The following TYR variants were observed in gnomAD, a reference collection of about 807,000 sequenced individuals.
TYR encodes tyrosinase, also known as LB24-AB.
TYR carries 58 observed loss-of-function variants against 51.5 expected under a neutral mutation model. The ratio of observed to expected loss-of-function variants is 1.13; its 90% CI spans 0.91 to 1.40. TYR has a LOEUF of 1.40. TYR is among the 40% of genes most tolerant of loss of function. TYR has a pLI of 0.00. For missense variants in TYR, 732 were observed against 647.4 expected (o/e 1.13, Z -1.42); for synonymous variants, 263 against 235.2 (o/e 1.12, Z -1.08).
chr11:89,203,274 A>C (rs1360663143), intron 2 of TYR, among the ~76,000 whole-genome samples: 1 of 152,198 alleles, frequency 6.6e-6, no homozygotes, highest in Non-Finnish European at 1.5e-5. Flanking sequence ...TTCCAAATTC[A>C]TCTGACTCCA....
At chr11:89,262,331 T>C (rs1357946036) in intron 3 of TYR, among the ~76,000 whole-genome samples, 1 of 152,056 alleles carries the variant, frequency 6.6e-6, no homozygotes, top group Non-Finnish European at 1.5e-5. Context: ...AGTGCTGGGA[T>C]TACAGGCATG....
rs527650516 is a variant in TYR, at chr11:89,295,527, A to T, written c.*161A>T. 2 of 875,338 alleles carry T rather than the reference A, an allele frequency of 2.3e-6. No individual in the cohort carries two copies. The highest frequency in any genetic ancestry group is 3.0e-5 in the South Asian group (2 of 66,060). The allele number at this position is 875,338 out of a possible 1,614,324, so 54.2% of individuals were successfully genotyped here. A position where few individuals can be genotyped will look rare whatever the true frequency, so the allele number is the denominator to read the frequency against. Reference sequence around the variant, plus strand: ...AGCCTTCTTCCAACTCAGGTAGAACACACCTGTCTTTGTCTTGCTGTTTTC... The same window carrying T: ...AGCCTTCTTCCAACTCAGGTAGAACTCACCTGTCTTTGTCTTGCTGTTTTC... On this transcript the variant is annotated 3_prime_UTR_variant, in exon 5 of 5. Transcript: ENST00000263321.
At chr11:89,214,241 C>T (rs187408240) in intron 2 of TYR, among the ~76,000 whole-genome samples, 2 of 152,128 alleles carry the variant, frequency 1.3e-5, no homozygotes, top group African/African-American at 4.8e-5. Context: ...AGACACTTCT[C>T]AAAATAAGAC....
At chr11:89,195,686 AT>A (rs1356913025) in intron 2 of TYR, among the ~76,000 whole-genome samples, 5 of 151,956 alleles carry the variant, frequency 3.3e-5, no homozygotes, top group Admixed American at 6.6e-5. Context: ...AAATAAATAA[AT>A]AAATAAAAAT....
chr11:89,262,176 G>A (rs543139705), intron 3 of TYR, among the ~76,000 whole-genome samples: 76 of 151,652 alleles, frequency 5.0e-4, no homozygotes, highest in Non-Finnish European at 8.0e-4. Flanking sequence ...CTCCTGCCTC[G>A]GCCTCCTGAG....
chr11:89,210,195 C>T (rs1322196577), intron 2 of TYR, among the ~76,000 whole-genome samples: 2 of 152,032 alleles, frequency 1.3e-5, no homozygotes, highest in Admixed American at 1.3e-4. Context: ...ATGTTTAAAC[C>T]CATCGCAAGA....
At chr11:89,185,974 T>C (rs984996836) in intron 1 of TYR, among the ~76,000 whole-genome samples, 2 of 152,158 alleles carry the variant, frequency 1.3e-5, no homozygotes, top group Admixed American at 1.3e-4. Flanking sequence ...AGTCAGCCCC[T>C]TTTGAGTTAC....
chr11:89,274,508 C>T (rs1435981985), intron 3 of TYR, among the ~76,000 whole-genome samples: 2 of 151,848 alleles, frequency 1.3e-5, no homozygotes, highest in African/African-American at 4.8e-5. Context: ...CACAACTAAC[C>T]TCACTGCATG....
chr11:89,196,762 T>C (rs1262037115), intron 2 of TYR, among the ~76,000 whole-genome samples: 3 of 152,138 alleles, frequency 2.0e-5, no homozygotes, highest in East Asian at 1.9e-4. Flanking sequence ...AAGATGCCCA[T>C]TGGGATAACA....
chr11:89,183,566 A>T (rs541925244), intron 1 of TYR, among the ~76,000 whole-genome samples: 2 of 152,100 alleles, frequency 1.3e-5, no homozygotes, highest in African/African-American at 4.8e-5. Flanking sequence ...GTGAACTTTC[A>T]TACTTACTTA....
intron 2 of TYR, among the ~76,000 whole-genome samples, chr11:89,216,647 CAAAAAAAA>C (rs11411684): frequency 1.2e-5 from 1 of 80,806 alleles, no homozygotes; most frequent in Non-Finnish European, 2.4e-5. Context: ...TTTTCCATCT[CAAAAAAAA>C]AAAAAAAAAA....
At chr11:89,204,216 G>A (rs1205325697) in intron 2 of TYR, among the ~76,000 whole-genome samples, 2 of 152,166 alleles carry the variant, frequency 1.3e-5, no homozygotes, top group Non-Finnish European at 2.9e-5. Context: ...GGCATTAGGG[G>A]AAAGTAGTTG....
intron 2 of TYR, among the ~76,000 whole-genome samples, chr11:89,218,528 G>A (rs1169632885): frequency 1.3e-5 from 2 of 152,054 alleles, no homozygotes; most frequent in African/African-American, 4.8e-5. Flanking sequence ...CACCAAGAAT[G>A]AGCTGGAATA....
chr11:89,278,850 C>G (rs1220799278), intron 3 of TYR, among the ~76,000 whole-genome samples: 1 of 151,684 alleles, frequency 6.6e-6, no homozygotes, highest in African/African-American at 2.4e-5. Flanking sequence ...ATTCTGTCTC[C>G]TTAGGTTCCT....
intron 2 of TYR, among the ~76,000 whole-genome samples, chr11:89,209,740 C>G (rs925718593): frequency 6.6e-6 from 1 of 152,110 alleles, no homozygotes; most frequent in African/African-American, 2.4e-5. Context: ...GGCAGGTGCC[C>G]CTCTGGGACG....
intron 3 of TYR, among the ~76,000 whole-genome samples, chr11:89,255,263 G>A (rs900811059): frequency 6.6e-6 from 1 of 151,684 alleles, no homozygotes; most frequent in African/African-American, 2.4e-5. Context: ...AGGTCCATGT[G>A]CTGATGAATA....
chr11:89,234,997 C>A (rs962570255), intron 3 of TYR, among the ~76,000 whole-genome samples: 5 of 150,816 alleles, frequency 3.3e-5, no homozygotes, highest in Admixed American at 6.6e-5. Flanking sequence ...AATGCAGTAT[C>A]TGTGAAGCAC....
At chr11:89,183,138 A>C (rs1321640076) in intron 1 of TYR, among the ~76,000 whole-genome samples, 1 of 152,128 alleles carries the variant, frequency 6.6e-6, no homozygotes, top group Admixed American at 6.6e-5. Context: ...CTTTGCTCCC[A>C]AAAGCTTTTA....
chr11:89,237,646 T>C (rs1259336754), intron 3 of TYR, among the ~76,000 whole-genome samples: 1 of 152,178 alleles, frequency 6.6e-6, no homozygotes, highest in Non-Finnish European at 1.5e-5. Flanking sequence ...TTTGTTTTTA[T>C]TACTCAAGAT....
Sources: allele counts gnomAD v4.1 joint callset (sites outside exome capture counted in the v4.1 genomes callset), GRCh38; gene constraint gnomAD v4.1.1; transcripts MANE v1.5; gene names NCBI Gene and HGNC (gene_info 2026-07-23, HGNC 2026-07-21).